The following TCF12 variants were observed in gnomAD, a reference collection of about 807,000 sequenced individuals.
TCF12 encodes transcription factor 12, also known as DNA-binding protein HTF4.
In TCF12, 45 loss-of-function variants were observed where a neutral mutation model predicts 86.0. The observed-to-expected ratio is 0.52, with a 90% CI of 0.41 to 0.67. TCF12 has a LOEUF of 0.67. Ranked by LOEUF, TCF12 falls within the 30% of genes least tolerant of loss-of-function variation. The pLI is 0.00. For synonymous variants in TCF12, 330 were observed against 299.6 expected (o/e 1.10, Z -1.05); for missense variants, 881 against 859.9 (o/e 1.02, Z -0.31).
intron 19 of TCF12, among the ~76,000 whole-genome samples, chr15:57,275,371 TAGAGATG>T (rs2061354435): frequency 6.6e-6 from 1 of 150,610 alleles, no homozygotes; most frequent in Non-Finnish European, 1.5e-5. Context: ...TGTACGTATG[TAGAGATG>T]GTCTCACTGT....
chr15:57,148,629 C>G (rs1193839678), intron 5 of TCF12, among the ~76,000 whole-genome samples: 1 of 150,992 alleles, frequency 6.6e-6, no homozygotes, highest in Non-Finnish European at 1.5e-5. Flanking sequence ...TGCCTGTATT[C>G]CCAACACTTG....
chr15:57,270,122 A>G (rs1057006524), intron 18 of TCF12, among the ~76,000 whole-genome samples: 1 of 152,192 alleles, frequency 6.6e-6, no homozygotes, highest in Non-Finnish European at 1.5e-5. Flanking sequence ...AGGTTGGGGA[A>G]GTTCTCCTGG....
At chr15:57,091,965 A>G (rs2151118365) in intron 5 of TCF12, 74 bp downstream of exon 5, 2 of 1,235,904 alleles carry the variant, frequency 1.6e-6, no homozygotes, top group Non-Finnish European at 2.4e-6. Context: ...CCCTTTGTCC[A>G]GGAGGGACAG....
intron 7 of TCF12, among the ~76,000 whole-genome samples, chr15:57,197,247 C>G (rs2057316676): frequency 6.9e-6 from 1 of 145,548 alleles, no homozygotes; most frequent in Admixed American, 7.3e-5. Context: ...ACCTCCATCT[C>G]CCGGGTTCAA....
chr15:56,931,569 G>A (rs1392796671), intron 3 of TCF12, among the ~76,000 whole-genome samples: 1 of 152,184 alleles, frequency 6.6e-6, no homozygotes. Flanking sequence ...ATACTTTGCT[G>A]TAGGGAACAG....
At chr15:57,189,050 A>T (rs2151693239) in intron 6 of TCF12, among the ~76,000 whole-genome samples, 1 of 152,316 alleles carries the variant, frequency 6.6e-6, no homozygotes, top group African/African-American at 2.4e-5. Flanking sequence ...CAGCTTCCCA[A>T]AGTAATAGGA....
At chr15:57,160,588 C>G (rs2054433138) in intron 5 of TCF12, among the ~76,000 whole-genome samples, 1 of 152,166 alleles carries the variant, frequency 6.6e-6, no homozygotes, top group South Asian at 2.1e-4. Context: ...AAATGTCTAA[C>G]AAATGTAGCA....
chr15:57,282,452 C>A lies in TCF12; in HGVS notation c.1986C>A (p.Asn662Lys), dbSNP rs1233612234. Residue 662 changes from asparagine (N) to lysine (K), a missense_variant, in exon 20 of 21, where the codon AAC (asparagine) becomes AAA (lysine). Physicochemically the swap from Asn to Lys is moderately conservative, Grantham distance 94. This residue lies in a region of TCF12 where 69 missense variants were observed against 64.2 expected (regional missense o/e 1.07). Transcript: ENST00000333725. ...TCTTTCCCCCTGTTTTAGAGAGGAA[C>A]CTTAACCCCAAAGCAGCCTGCCTTA... ...LSLEQQVRERNLNPKAACLKR... is the reference protein window; with the variant it reads ...LSLEQQVRERKLNPKAACLKR... 1 of 1,614,150 alleles carries A rather than the reference C, an allele frequency of 6.2e-7. No individual in the cohort carries two copies. The highest frequency in any genetic ancestry group is 1.7e-5 in the Admixed American group (1 of 60,024).
intron 8 of TCF12, among the ~76,000 whole-genome samples, chr15:57,218,551 A>G (rs1288567934): frequency 6.6e-6 from 1 of 152,228 alleles, no homozygotes; most frequent in Non-Finnish European, 1.5e-5. Context: ...TAGCATAAAA[A>G]TATGAATATA....
chr15:57,014,435 T>A (rs541768923), intron 3 of TCF12, among the ~76,000 whole-genome samples: 4 of 147,606 alleles, frequency 2.7e-5, no homozygotes, highest in East Asian at 4.1e-4. Flanking sequence ...AAAAAAAAAA[T>A]TTCTGACCTT....
At chr15:56,925,217 A>C (rs541595070) in intron 3 of TCF12, among the ~76,000 whole-genome samples, 49 of 151,426 alleles carry the variant, frequency 3.2e-4, no homozygotes, top group East Asian at 7.8e-4. Context: ...ACAAAAAAAA[A>C]CCACAAACAA....
chr15:57,076,694 C>T (rs1018528534), intron 4 of TCF12, among the ~76,000 whole-genome samples: 32 of 150,688 alleles, frequency 2.1e-4, no homozygotes, highest in African/African-American at 7.5e-4. Context: ...ACATTTTTTT[C>T]CATCATAGAA....
At chr15:57,069,285 C>G (rs1386460288) in intron 4 of TCF12, among the ~76,000 whole-genome samples, 1 of 152,114 alleles carries the variant, frequency 6.6e-6, no homozygotes, top group African/African-American at 2.4e-5. Context: ...CATCAGTGAT[C>G]AAGAGTTGGC....
At chr15:57,261,926 A>G (rs573833274) in intron 16 of TCF12, among the ~76,000 whole-genome samples, 168 bp from the exon 17 acceptor site, 39 of 152,294 alleles carry the variant, frequency 2.6e-4, no homozygotes, top group African/African-American at 9.1e-4. Context: ...TGAAGTATTA[A>G]TATTTTGAAA....
In TCF12 at chr15:57,145,371, C is replaced by T. The variant is rs2053284254; in HGVS notation, c.326-21031C>T. On this transcript the variant is annotated intron_variant, in intron 5 of 20. Coordinates refer to ENST00000333725, the MANE Select transcript of TCF12 (RefSeq NM_207037.2). ...GGTAATTTAGTTGACCTCAATGATTCTCATTTATAAATGATTTCTCATTTA... is the reference window on the plus strand; with the variant it reads ...GGTAATTTAGTTGACCTCAATGATTTTCATTTATAAATGATTTCTCATTTA... 3.3e-5 allele frequency among the ~76,000 whole-genome samples: 5 copies of T among 152,092 alleles called. No individual in the cohort carries two copies. The South Asian group carries it at 1.0e-3, about 32-fold the overall frequency.
Position 57,089,584 on chromosome 15 carries a change from G to GT in TCF12, c.223-2187dup, listed in dbSNP as rs71113060. Among the ~76,000 whole-genome samples, 225 of 145,642 alleles carry GT rather than the reference G, an allele frequency of 1.5e-3. 1 individual carries two copies. Among genetic ancestry groups the GT allele is most frequent in the African/African-American group, 3.8e-3 (149 of 39,618 alleles). On this transcript the variant is annotated intron_variant, in intron 4 of 20. Coordinates refer to ENST00000333725, the MANE Select transcript of TCF12 (RefSeq NM_207037.2). ...TTGTATAGTGGTGCTTTAGGAAATA[G>GT]TTTTTTTTTTTTTTTTTTAACTGTA...
At chr15:57,163,786 T>A (rs1177258018) in intron 5 of TCF12, among the ~76,000 whole-genome samples, 2 of 152,172 alleles carry the variant, frequency 1.3e-5, no homozygotes, top group Non-Finnish European at 2.9e-5. Flanking sequence ...AATTCTGACA[T>A]ACACAGCCTT....
intron 19 of TCF12, among the ~76,000 whole-genome samples, chr15:57,275,148 T>C (rs2061320840): frequency 6.6e-6 from 1 of 152,188 alleles, no homozygotes; most frequent in South Asian, 2.1e-4. Flanking sequence ...TCTGTAAAGC[T>C]CTGTCTAAGG....
At chr15:56,920,066 G>C (rs1567103171) in intron 2 of TCF12, 78 bp downstream of exon 2, 8 of 1,549,868 alleles carry the variant, frequency 5.2e-6, no homozygotes, top group Non-Finnish European at 7.1e-6. Flanking sequence ...TTTAAATAAA[G>C]GGTGAGGGGA....
Sources: allele counts gnomAD v4.1 joint callset (sites outside exome capture counted in the v4.1 genomes callset), GRCh38; gene constraint gnomAD v4.1.1; regional missense constraint gnomAD v4.1.1; transcripts MANE v1.5; gene names NCBI Gene and HGNC (gene_info 2026-07-23, HGNC 2026-07-21).